The following SPAG16 variants were observed in gnomAD, a reference collection of about 807,000 sequenced individuals.
SPAG16 encodes the protein sperm associated antigen 16.
SPAG16 carries 86 observed loss-of-function variants against 80.4 expected under a neutral mutation model. The observed-to-expected ratio is 1.07, with a 90% CI of 0.90 to 1.28. The LOEUF (loss-of-function observed/expected upper bound fraction) is 1.28. SPAG16 is among the 50% of genes most tolerant of loss of function. The pLI is 0.00. For missense variants in SPAG16, 870 were observed against 765.3 expected (o/e 1.14, Z -1.61); for synonymous variants, 294 against 265.9 (o/e 1.11, Z -1.03).
At chr2:214,071,983 A>G (rs1396800842) in intron 13 of SPAG16, among the ~76,000 whole-genome samples, 1 of 152,174 alleles carries the variant, frequency 6.6e-6, no homozygotes, top group South Asian at 2.1e-4. Flanking sequence ...AAATAAATTA[A>G]TCATAAATAT....
At chr2:213,424,308 CTT>C (rs1053716728) in intron 9 of SPAG16, among the ~76,000 whole-genome samples, 1 of 152,102 alleles carries the variant, frequency 6.6e-6, no homozygotes, top group African/African-American at 2.4e-5. Flanking sequence ...GATTAAATGA[CTT>C]TAAAAAATGA....
chr2:214,198,220 T>C (rs1205480796), intron 15 of SPAG16, among the ~76,000 whole-genome samples: 3 of 152,090 alleles, frequency 2.0e-5, no homozygotes, highest in East Asian at 3.9e-4. Context: ...GGACCCTATA[T>C]GTAGTCTTTT....
chr2:213,873,236 A>G (rs1413724807), intron 11 of SPAG16, among the ~76,000 whole-genome samples: 1 of 152,006 alleles, frequency 6.6e-6, no homozygotes, highest in Non-Finnish European at 1.5e-5. Flanking sequence ...AAGTACAAGA[A>G]TTTGTCTACT....
chr2:213,634,827 C>T (rs1234442957), intron 10 of SPAG16, among the ~76,000 whole-genome samples: 1 of 151,998 alleles, frequency 6.6e-6, no homozygotes, highest in Admixed American at 6.6e-5. Context: ...ACCTTACCTC[C>T]CACTTATAAG....
At chr2:213,648,107 A>T (rs1028004810) in intron 10 of SPAG16, among the ~76,000 whole-genome samples, 86 of 152,294 alleles carry the variant, frequency 5.6e-4, no homozygotes, top group African/African-American at 2.0e-3. Context: ...AACCCCCTTT[A>T]TAATCATTTC....
At chr2:214,344,563 T>A (rs985516045) in intron 15 of SPAG16, among the ~76,000 whole-genome samples, 10 of 152,198 alleles carry the variant, frequency 6.6e-5, no homozygotes, top group South Asian at 2.1e-4. Flanking sequence ...TATAATTTTT[T>A]AAAAATAATG....
chr2:213,375,711 C>G (rs1046870357), intron 9 of SPAG16, among the ~76,000 whole-genome samples: 1 of 151,846 alleles, frequency 6.6e-6, no homozygotes, highest in African/African-American at 2.4e-5. Flanking sequence ...AAGTCTAGCT[C>G]AGGTAATGGA....
intron 8 of SPAG16, among the ~76,000 whole-genome samples, chr2:213,372,127 ATT>A (rs34515750): frequency 4.0e-5 from 6 of 151,396 alleles, no homozygotes; most frequent in East Asian, 1.9e-4. Flanking sequence ...TATGAGATAA[ATT>A]TTTTTTTCAA....
intron 15 of SPAG16, chr2:214,238,099 A>G (rs1307720639): frequency 2.1e-5 from 8 of 379,738 alleles, no homozygotes; most frequent in Admixed American, 1.5e-4. Flanking sequence ...TTCCATTAAC[A>G]ACTTTTAATT....
chr2:214,003,112 G>A (rs1276574055), intron 12 of SPAG16, among the ~76,000 whole-genome samples: 1 of 152,154 alleles, frequency 6.6e-6, no homozygotes. Context: ...ATGTGAAGTT[G>A]GGAAGCAATG....
At position 213,930,137 on chromosome 2, in the gene SPAG16, T is replaced by A. The variant is rs1278284769; in HGVS notation, c.1392T>A (p.Asp464Glu). The A allele has an allele frequency of 1.2e-6, 2 of 1,613,434 alleles. No individual in the cohort carries two copies. The highest frequency in any genetic ancestry group is 8.5e-7 in the Non-Finnish European group (1 of 1,179,604). ...SSLDKTSKIW[D>E]VNSERCRCTL... ...TGGATAAAACTAGCAAAATTTGGGATGTTAATAGGTAAGAAGTACTTTAAA... is the reference window on the plus strand; with the variant it reads ...TGGATAAAACTAGCAAAATTTGGGAAGTTAATAGGTAAGAAGTACTTTAAA... Residue 464 changes from aspartate to glutamate, a missense_variant, in exon 12 of 16, where the codon GAT becomes GAA. Asp to Glu is a conservative substitution (Grantham distance 45). Coordinates refer to ENST00000331683, the MANE Select transcript of SPAG16 (RefSeq NM_024532.5).
intron 9 of SPAG16, among the ~76,000 whole-genome samples, chr2:213,423,716 A>G (rs960247128): frequency 9.2e-5 from 14 of 152,216 alleles, no homozygotes; most frequent in African/African-American, 3.4e-4. Flanking sequence ...GAAATAAGAT[A>G]TGTTATTCTC....
At chr2:213,778,894 T>A (rs2125575785) in intron 10 of SPAG16, among the ~76,000 whole-genome samples, 1 of 152,312 alleles carries the variant, frequency 6.6e-6, no homozygotes, top group East Asian at 1.9e-4. Context: ...CCTTAATTAT[T>A]TACGTTTTCT....
chr2:214,310,557 G>A (rs1695225279), intron 15 of SPAG16, among the ~76,000 whole-genome samples: 1 of 152,140 alleles, frequency 6.6e-6, no homozygotes, highest in African/African-American at 2.4e-5. Context: ...TTTGGATATT[G>A]AGATGATGTG....
At chr2:213,583,289 A>C (rs1283090885) in intron 10 of SPAG16, among the ~76,000 whole-genome samples, 1 of 152,186 alleles carries the variant, frequency 6.6e-6, no homozygotes, top group East Asian at 1.9e-4. Context: ...TAGTTTGGAA[A>C]ATTATAAGTA....
chr2:214,294,065 G>A (rs530259501), intron 15 of SPAG16, among the ~76,000 whole-genome samples: 20 of 152,364 alleles, frequency 1.3e-4, no homozygotes, highest in Middle Eastern at 3.4e-3. Context: ...GCAGGATGCC[G>A]TCCTTTTGGA....
chr2:214,133,677 A>G (rs966979782), intron 14 of SPAG16, among the ~76,000 whole-genome samples: 1 of 152,094 alleles, frequency 6.6e-6, no homozygotes, highest in African/African-American at 2.4e-5. Flanking sequence ...ATAAAATAAA[A>G]TAAATAATAA....
chr2:213,934,317 G>A (rs1559605015), intron 12 of SPAG16, among the ~76,000 whole-genome samples: 1 of 152,186 alleles, frequency 6.6e-6, no homozygotes. Context: ...TTGTGTTCAT[G>A]GTGGTGATGG....
intron 9 of SPAG16, among the ~76,000 whole-genome samples, chr2:213,433,024 G>T (rs919831724): frequency 1.3e-5 from 2 of 152,116 alleles, no homozygotes; most frequent in African/African-American, 4.8e-5. Context: ...CTTAATAAAT[G>T]CAGAAAGAAG....
Sources: gnomAD v4.1 joint callset for allele counts (sites outside exome capture counted in the v4.1 genomes callset) on GRCh38, gnomAD v4.1.1 for gene constraint, MANE v1.5 for transcripts, NCBI Gene and HGNC (gene_info 2026-07-23, HGNC 2026-07-21) for gene names.